PTK2B: variants seen among roughly 807,000 people sequenced by gnomAD.
PTK2B encodes the protein protein-tyrosine kinase 2-beta.
PTK2B carries 71 observed loss-of-function variants against 142.9 expected under a neutral mutation model. The observed-to-expected ratio is 0.50, with a 90% CI of 0.41 to 0.61. The LOEUF is 0.61. Ranked by LOEUF, PTK2B falls within the 20% of genes least tolerant of loss-of-function variation. PTK2B has a pLI of 0.00. For missense variants in PTK2B, 1,105 were observed against 1,320.4 expected (o/e 0.84, Z 2.53); for synonymous variants, 519 against 503.4 (o/e 1.03, Z -0.42).
upstream of PTK2B, among the ~76,000 whole-genome samples, chr8:27,320,934 A>T (rs934952634): frequency 3.6e-5 from 5 of 139,278 alleles, no homozygotes; most frequent in African/African-American, 1.3e-4. Context: ...TATCTAAGGG[A>T]TCTAAGATAC....
At chr8:27,336,614 C>G (rs1804080128) in intron 1 of PTK2B, among the ~76,000 whole-genome samples, 1 of 152,238 alleles carries the variant, frequency 6.6e-6, no homozygotes, top group Admixed American at 6.5e-5. Context: ...GATACATTTT[C>G]AATCACATGC....
chr8:27,384,723 A>G (rs1321552263), intron 1 of PTK2B, among the ~76,000 whole-genome samples: 1 of 152,190 alleles, frequency 6.6e-6, no homozygotes. Context: ...AGAAATACAG[A>G]TGGCTAGGCC....
intron 2 of PTK2B, among the ~76,000 whole-genome samples, chr8:27,414,227 A>G (rs972079167): frequency 2.7e-5 from 4 of 149,650 alleles, no homozygotes; most frequent in Admixed American, 6.7e-5. Flanking sequence ...GGGGTGTGCA[A>G]TCACTATCGG....
intron 1 of PTK2B, among the ~76,000 whole-genome samples, chr8:27,337,341 C>T (rs999578751): frequency 7.2e-5 from 11 of 152,096 alleles, no homozygotes; most frequent in African/African-American, 2.4e-4. Flanking sequence ...TTCACCATGT[C>T]GGCCAGGCTA....
intron 1 of PTK2B, among the ~76,000 whole-genome samples, chr8:27,342,046 G>A (rs553066479): frequency 6.6e-6 from 1 of 152,246 alleles, no homozygotes; most frequent in East Asian, 1.9e-4. Flanking sequence ...AGCAAGAATT[G>A]TACTTCCCAC....
chr8:27,394,650 T>G (rs1042876050), intron 1 of PTK2B, among the ~76,000 whole-genome samples: 64 of 152,346 alleles, frequency 4.2e-4, no homozygotes, highest in African/African-American at 1.5e-3. Context: ...CTGTATTTCT[T>G]TAGTAATAGA....
At chr8:27,336,906 G>T (rs1804098086) in intron 1 of PTK2B, among the ~76,000 whole-genome samples, 1 of 151,746 alleles carries the variant, frequency 6.6e-6, no homozygotes, top group Non-Finnish European at 1.5e-5. Flanking sequence ...CACAATCTCG[G>T]CTCACTGCAC....
At chr8:27,441,319 G>C (rs1226494258) in intron 21 of PTK2B, among the ~76,000 whole-genome samples, 1 of 152,146 alleles carries the variant, frequency 6.6e-6, no homozygotes, top group Non-Finnish European at 1.5e-5. Flanking sequence ...GAAACAATGT[G>C]AAAACCATTC....
chr8:27,444,482 C>T (rs536286373), intron 23 of PTK2B, among the ~76,000 whole-genome samples: 3 of 152,174 alleles, frequency 2.0e-5, no homozygotes, highest in East Asian at 3.9e-4. Context: ...CTAAGACCTG[C>T]CTTAAGCCCC....
intron 1 of PTK2B, among the ~76,000 whole-genome samples, chr8:27,326,384 C>T (rs560907048): frequency 3.4e-4 from 52 of 152,252 alleles, no homozygotes; most frequent in Middle Eastern, 3.4e-3. Flanking sequence ...GGTGGGTGAG[C>T]GTGGAGCGGC....
At chr8:27,321,510 T>C (rs990372649), upstream of PTK2B, among the ~76,000 whole-genome samples, 1 of 152,216 alleles carries the variant, frequency 6.6e-6, no homozygotes, top group East Asian at 1.9e-4. Flanking sequence ...AGGGTAAGCA[T>C]GGTGGCTGGA....
At chr8:27,353,615 G>C (rs1327235386) in intron 1 of PTK2B, among the ~76,000 whole-genome samples, 1 of 152,142 alleles carries the variant, frequency 6.6e-6, no homozygotes, top group Non-Finnish European at 1.5e-5. Context: ...TATCTACCTA[G>C]TAATGGCAGA....
chr8:27,429,433 A>G (rs1431007218), intron 5 of PTK2B, among the ~76,000 whole-genome samples: 1 of 152,228 alleles, frequency 6.6e-6, no homozygotes, highest in Non-Finnish European at 1.5e-5. Context: ...CAGACAGGGA[A>G]GGGAGGCTGG....
intron 2 of PTK2B, among the ~76,000 whole-genome samples, chr8:27,313,044 A>G (rs1031643478): frequency 5.3e-5 from 8 of 152,224 alleles, no homozygotes; most frequent in Non-Finnish European, 1.0e-4. Flanking sequence ...TGTAATCCCC[A>G]TAATTCCCAC....
chr8:27,386,975 T>C lies in PTK2B; in HGVS notation c.-37-10573T>C, dbSNP rs376754985. ...TCCTACATATCCATGACTATATACATATTAACATGTCAAAAGTCTGCATTC... is the reference window on the plus strand; with the variant it reads ...TCCTACATATCCATGACTATATACACATTAACATGTCAAAAGTCTGCATTC... On this transcript the variant is annotated intron_variant, in intron 1 of 30. Coordinates refer to ENST00000346049, the MANE Select transcript of PTK2B (RefSeq NM_173176.3). Among the ~76,000 whole-genome samples, 25 of 152,070 alleles carry C rather than the reference T, an allele frequency of 1.6e-4. 1 individual carries two copies. The East Asian group carries it at 1.7e-3, about 11-fold the overall frequency.
intron 1 of PTK2B, among the ~76,000 whole-genome samples, chr8:27,331,148 G>A (rs1369273243): frequency 6.6e-6 from 1 of 152,140 alleles, no homozygotes; most frequent in African/African-American, 2.4e-5. Flanking sequence ...TCGGTACCAG[G>A]TTTAATTCAC....
chr8:27,430,557 T>C, intron 7 of PTK2B, 139 bp downstream of exon 7: 1 of 1,176,708 alleles, frequency 8.5e-7, no homozygotes, highest in Non-Finnish European at 1.2e-6. Flanking sequence ...GACCACTAAA[T>C]GTACCCAGGG....
chr8:27,439,677 CGAA>C (rs1563291380), intron 20 of PTK2B, among the ~76,000 whole-genome samples: 11 of 151,990 alleles, frequency 7.2e-5, no homozygotes, highest in Admixed American at 1.3e-4. Flanking sequence ...GAAACTAAGA[CGAA>C]ACTCTGTGAC....
Position 27,439,093 on chromosome 8 carries a change from G to T in PTK2B, c.1706G>T (p.Gly569Val), listed in dbSNP as rs200141263. 1.9e-6 allele frequency: 3 copies of T among 1,614,092 alleles called. No individual in the cohort carries two copies. Among genetic ancestry groups the T allele is most frequent in the East Asian group, 4.5e-5 (2 of 44,876 alleles). The part of the protein sequence containing the change: ...SPECVKLGDF[G>V]LSRYIEDEDY... The stretch of plus-strand genomic sequence containing the variant: ...GAGTGTGTGAAGCTGGGGGACTTTG[G>T]TCTTTCCCGGTACATTGAGGACGAG... Residue 569 changes from glycine (G) to valine (V), a missense_variant, in exon 19 of 31, where the codon GGT becomes GTT. Coordinates refer to ENST00000346049, the MANE Select transcript of PTK2B (RefSeq NM_173176.3).
Sources: allele counts gnomAD v4.1 joint callset (sites outside exome capture counted in the v4.1 genomes callset), GRCh38; gene constraint gnomAD v4.1.1; transcripts MANE v1.5; gene names NCBI Gene and HGNC (gene_info 2026-07-23, HGNC 2026-07-21).